The following LRRTM4 variants were observed in gnomAD, a reference collection of about 807,000 sequenced individuals.
The protein encoded by LRRTM4 is leucine-rich repeat transmembrane neuronal protein 4.
Under a neutral mutation model 47.6 loss-of-function variants are expected in LRRTM4, and 25 were observed. The observed-to-expected ratio is 0.53, with a 90% CI of 0.38 to 0.73. LRRTM4 has a LOEUF of 0.73. Ranked by LOEUF, LRRTM4 falls within the 30% of genes least tolerant of loss-of-function variation. LRRTM4 has a pLI of 0.00. For missense variants in LRRTM4, 638 were observed against 713.4 expected (o/e 0.89, Z 1.20); for synonymous variants, 311 against 269.5 (o/e 1.15, Z -1.51).
chr2:76,997,512 CTCA>C lies in LRRTM4; in HGVS notation c.1552-248599_1552-248597del, dbSNP rs1266485349. On this transcript the variant is annotated intron_variant, in intron 3 of 3. Coordinates refer to ENST00000409884, the MANE Select transcript of LRRTM4 (RefSeq NM_001134745.3). ...TGGTGTGACAAAATTGAGTTACTGT[CTCA>C]TGAGATCCACCAAAGCTCAAACCAG... Among the ~76,000 whole-genome samples, 5 of 152,116 alleles carry C rather than the reference CTCA, an allele frequency of 3.3e-5. No homozygotes were observed. In the South Asian group the frequency reaches 1.0e-3, roughly 31 times the overall value.
At chr2:77,243,205 G>C (rs113776870) in intron 3 of LRRTM4, among the ~76,000 whole-genome samples, 2,715 of 152,090 alleles carry the variant, frequency 0.018, 42 homozygotes, top group South Asian at 0.027. Flanking sequence ...CTGAGGTCAG[G>C]AGTTCGAGAA....
At chr2:76,757,703 T>C (rs990439110) in intron 3 of LRRTM4, among the ~76,000 whole-genome samples, 5 of 152,248 alleles carry the variant, frequency 3.3e-5, no homozygotes, top group South Asian at 2.1e-4. Flanking sequence ...ATAGAGATGA[T>C]AGAATTTCCA....
chr2:77,020,511 C>T (rs773465013), intron 3 of LRRTM4, among the ~76,000 whole-genome samples: 1 of 152,104 alleles, frequency 6.6e-6, no homozygotes, highest in Non-Finnish European at 1.5e-5. Context: ...CCCTCTAACC[C>T]TCTACCAAAT....
chr2:76,780,994 T>G (rs1313990836), intron 3 of LRRTM4, among the ~76,000 whole-genome samples: 7 of 152,282 alleles, frequency 4.6e-5, no homozygotes, highest in Non-Finnish European at 1.0e-4. Context: ...GACCCTCAGC[T>G]GCAGGTCTGT....
rs557639713 is a variant in LRRTM4, at chr2:76,867,934, G to T, written c.1552-119018C>A. The stretch of plus-strand genomic sequence containing the variant: ...TAGTACTGAGGTTTTGCTGGTTTAA[G>T]TAGCCTTTGGAATGTTCTAGAGAGA... On this transcript the variant is annotated intron_variant, in intron 3 of 3. Coordinates refer to ENST00000409884, the MANE Select transcript of LRRTM4 (RefSeq NM_001134745.3). Among the ~76,000 whole-genome samples the T allele has an allele frequency of 1.2e-4, 19 of 152,240 alleles. No homozygotes were observed. The South Asian group carries it at 3.9e-3, about 32-fold the overall frequency.
At chr2:77,429,717 G>C (rs973051382) in intron 3 of LRRTM4, among the ~76,000 whole-genome samples, 3 of 152,144 alleles carry the variant, frequency 2.0e-5, no homozygotes, top group African/African-American at 7.2e-5. Context: ...GAAAGAAGGG[G>C]TGGGGGAAAT....
intron 3 of LRRTM4, among the ~76,000 whole-genome samples, chr2:77,360,127 A>G (rs1672126435): frequency 6.6e-6 from 1 of 152,158 alleles, no homozygotes; most frequent in African/African-American, 2.4e-5. Context: ...ACATTCATTC[A>G]TTCAGCTGAT....
intron 3 of LRRTM4, among the ~76,000 whole-genome samples, chr2:76,762,351 C>T (rs749748497): frequency 1.6e-4 from 24 of 152,158 alleles, no homozygotes; most frequent in Middle Eastern, 3.4e-3. Flanking sequence ...GCATCTAGAC[C>T]TCCTCCACAC....
intron 3 of LRRTM4, among the ~76,000 whole-genome samples, chr2:77,504,414 T>A (rs1678690286): frequency 6.6e-6 from 1 of 151,558 alleles, no homozygotes; most frequent in South Asian, 2.1e-4. Flanking sequence ...CATAAAAAAG[T>A]GAAAGGTAAC....
chr2:76,790,359 A>T (rs1674908476), intron 3 of LRRTM4, among the ~76,000 whole-genome samples: 1 of 152,010 alleles, frequency 6.6e-6, no homozygotes, highest in East Asian at 1.9e-4. Context: ...ACATATTAGG[A>T]GTTCTAAATT....
intron 3 of LRRTM4, among the ~76,000 whole-genome samples, chr2:77,092,907 AAC>A (rs1670693174): frequency 6.8e-6 from 1 of 147,086 alleles, no homozygotes; most frequent in African/African-American, 2.7e-5. Context: ...GTCTTTTAAA[AAC>A]ACACCTCACC....
At chr2:77,293,481 G>C (rs1346201326) in intron 3 of LRRTM4, among the ~76,000 whole-genome samples, 10 of 151,952 alleles carry the variant, frequency 6.6e-5, no homozygotes, top group Non-Finnish European at 2.9e-5. Context: ...TAATAAAGAT[G>C]TCTACTTTTT....
intron 3 of LRRTM4, among the ~76,000 whole-genome samples, chr2:76,767,965 T>G (rs1382301425): frequency 5.9e-5 from 9 of 152,164 alleles, no homozygotes; most frequent in Admixed American, 5.2e-4. Flanking sequence ...CATAAAATCA[T>G]TTAAACATTA....
chr2:76,798,091 C>A (rs1055668967), intron 3 of LRRTM4, among the ~76,000 whole-genome samples: 1 of 151,534 alleles, frequency 6.6e-6, no homozygotes, highest in Non-Finnish European at 1.5e-5. Context: ...AGCTCTGCAG[C>A]AAGCAGACCT....
At chr2:77,351,480 A>G (rs1297439805) in intron 3 of LRRTM4, among the ~76,000 whole-genome samples, 1 of 151,892 alleles carries the variant, frequency 6.6e-6, no homozygotes, top group Non-Finnish European at 1.5e-5. Flanking sequence ...TGAAAACCTT[A>G]TGATACATCT....
chr2:77,149,119 G>A (rs1672348752), intron 3 of LRRTM4, among the ~76,000 whole-genome samples: 1 of 152,024 alleles, frequency 6.6e-6, no homozygotes, highest in African/African-American at 2.4e-5. Flanking sequence ...GACGCACATG[G>A]CCATTGAGCA....
At chr2:77,276,274 A>T (rs1676346469) in intron 3 of LRRTM4, among the ~76,000 whole-genome samples, 1 of 151,536 alleles carries the variant, frequency 6.6e-6, no homozygotes, top group South Asian at 2.1e-4. Context: ...ACTGCAATGT[A>T]AAAACATACG....
intron 3 of LRRTM4, among the ~76,000 whole-genome samples, chr2:76,908,499 T>G (rs1307576639): frequency 2.0e-5 from 3 of 151,364 alleles, no homozygotes; most frequent in African/African-American, 7.3e-5. Context: ...CCAGGGCAAT[T>G]AGGCAGGAGA....
intron 3 of LRRTM4, among the ~76,000 whole-genome samples, chr2:76,956,348 G>A (rs892706799): frequency 1.3e-5 from 2 of 151,608 alleles, no homozygotes; most frequent in South Asian, 2.1e-4. Context: ...TAACTAATAC[G>A]TAAAGAAGGG....
Sources: gnomAD v4.1 joint callset for allele counts (sites outside exome capture counted in the v4.1 genomes callset) on GRCh38, gnomAD v4.1.1 for gene constraint, MANE v1.5 for transcripts, NCBI Gene and HGNC (gene_info 2026-07-23, HGNC 2026-07-21) for gene names.